Variants in FOCAD observed in about 807,000 individuals in gnomAD.
The protein encoded by FOCAD is KIAA1797.
Under a neutral mutation model 225.6 loss-of-function variants are expected in FOCAD, and 198 were observed. The observed-to-expected ratio is 0.88, with a 90% CI of 0.78 to 0.99. The LOEUF is 0.99. Ranked by LOEUF, FOCAD falls within the 50% of genes least tolerant of loss-of-function variation. FOCAD has a pLI of 0.00. For synonymous variants in FOCAD, 897 were observed against 755.0 expected, an observed-to-expected ratio of 1.19 and a Z score of -3.08; for missense variants, 2,713 against 2,123.6, an observed-to-expected ratio of 1.28 and a Z score of -5.46.
At chr9:20,667,258 A>G (rs572414470) in intron 2 of FOCAD, among the ~76,000 whole-genome samples, 1 of 152,346 alleles carries the variant, frequency 6.6e-6, no homozygotes, top group South Asian at 2.1e-4. Flanking sequence ...TTCACTACTC[A>G]AAATACTCTG....
At chr9:20,872,659 C>T (rs186152711) in intron 18 of FOCAD, 3 of 151,666 alleles carry the variant, frequency 2.0e-5, no homozygotes, top group East Asian at 1.9e-4. Flanking sequence ...GCTTTATTGA[C>T]ATATGATTCA....
intron 43 of FOCAD, among the ~76,000 whole-genome samples, chr9:20,993,677 A>G (rs375870460): frequency 1.3e-5 from 2 of 152,144 alleles, no homozygotes; most frequent in Non-Finnish European, 2.9e-5. Context: ...TTGTGTTGTC[A>G]TATTGAGGCT....
At chr9:20,680,469 A>G (rs1167458366), upstream of FOCAD, among the ~76,000 whole-genome samples, 1 of 151,988 alleles carries the variant, frequency 6.6e-6, no homozygotes, top group Non-Finnish European at 1.5e-5. Context: ...GAGGCAGGAG[A>G]ATTGCTTGAA....
intron 28 of FOCAD, among the ~76,000 whole-genome samples, chr9:20,938,022 A>G (rs535497620): frequency 6.6e-6 from 1 of 152,070 alleles, no homozygotes; most frequent in East Asian, 1.9e-4. Flanking sequence ...AATCAAAACC[A>G]CAATGAGATA....
chr9:20,842,374 T>A (rs914712170), intron 15 of FOCAD, among the ~76,000 whole-genome samples: 3 of 151,990 alleles, frequency 2.0e-5, no homozygotes, highest in African/African-American at 7.2e-5. Flanking sequence ...TTGGGGTCTG[T>A]TTCTCACTTT....
intron 24 of FOCAD, among the ~76,000 whole-genome samples, chr9:20,917,443 C>G (rs982568747): frequency 2.6e-5 from 4 of 152,172 alleles, no homozygotes; most frequent in African/African-American, 9.7e-5. Flanking sequence ...ACAAAAATTA[C>G]TTGAGTGTCA....
intron 5 of FOCAD, among the ~76,000 whole-genome samples, chr9:20,745,936 T>C (rs1424150175): frequency 5.3e-5 from 8 of 152,200 alleles, no homozygotes; most frequent in African/African-American, 1.9e-4. Context: ...ATTTGTGTAA[T>C]AGTATATAGT....
intron 11 of FOCAD, among the ~76,000 whole-genome samples, chr9:20,816,815 A>G (rs1472563921): frequency 6.6e-6 from 1 of 152,200 alleles, no homozygotes; most frequent in African/African-American, 2.4e-5. Flanking sequence ...GAATTTAGCA[A>G]TAAAGATAAT....
At position 20,766,052 on chromosome 9, in the gene FOCAD, G is replaced by A. The variant is rs1025633195; in HGVS notation, c.699+979G>A. Among the ~76,000 whole-genome samples, 3 of 152,182 alleles carry A rather than the reference G, an allele frequency of 2.0e-5. No homozygotes were observed. In the East Asian group the frequency reaches 5.8e-4, roughly 29 times the overall value. On this transcript the variant is annotated intron_variant, in intron 7 of 43. Transcript: ENST00000338382. ...GGCTTTTCCAAAGCTTTTGTTTTGT[G>A]TGGGCAATAAAGCAATGTATAGGCA...
intron 11 of FOCAD, 32 bp from the exon 12 acceptor site, chr9:20,819,764 C>A: frequency 1.7e-6 from 2 of 1,182,918 alleles, no homozygotes; most frequent in Non-Finnish European, 2.4e-6. Context: ...TGTAACAAGG[C>A]ATATTTAATA....
At chr9:20,921,635 A>C (rs1284064364) in intron 24 of FOCAD, among the ~76,000 whole-genome samples, 3 of 152,302 alleles carry the variant, frequency 2.0e-5, no homozygotes, top group Middle Eastern at 6.8e-3. Flanking sequence ...CACTGTATAG[A>C]GTGGACTAGG....
At chr9:20,677,121 C>G (rs954013854) in intron 2 of FOCAD, among the ~76,000 whole-genome samples, 60 of 152,092 alleles carry the variant, frequency 3.9e-4, no homozygotes, top group Admixed American at 3.6e-3. Flanking sequence ...CAATAACACA[C>G]AAGGATCGAC....
intron 1 of FOCAD, among the ~76,000 whole-genome samples, chr9:20,704,816 C>T: frequency 6.6e-6 from 1 of 152,132 alleles, no homozygotes; most frequent in East Asian, 1.9e-4. Context: ...TCCTCTATTT[C>T]TACAAAATGT....
At chr9:20,903,533 T>C (rs1033634198) in intron 21 of FOCAD, among the ~76,000 whole-genome samples, 5 of 151,934 alleles carry the variant, frequency 3.3e-5, no homozygotes, top group African/African-American at 9.7e-5. Context: ...GTTCTCTCTT[T>C]AGTAAGAATA....
At chr9:20,908,877 A>T (rs1233261016) in intron 22 of FOCAD, among the ~76,000 whole-genome samples, 3 of 152,024 alleles carry the variant, frequency 2.0e-5, no homozygotes, top group Admixed American at 1.3e-4. Context: ...TCCCATGCTA[A>T]GTGTGTGGGA....
chr9:20,664,284 AT>A (rs916425038), intron 2 of FOCAD, among the ~76,000 whole-genome samples: 6 of 149,762 alleles, frequency 4.0e-5, no homozygotes, highest in African/African-American at 1.5e-4. Context: ...GATCTGACAT[AT>A]TGACTAAGTG....
chr9:20,690,742 T>A (rs974124989), intron 1 of FOCAD, among the ~76,000 whole-genome samples: 1 of 151,662 alleles, frequency 6.6e-6, no homozygotes, highest in African/African-American at 2.4e-5. Context: ...GCGGTGGGGG[T>A]CTTACCATGT....
chr9:20,920,421 T>C (rs202232497), intron 24 of FOCAD, among the ~76,000 whole-genome samples: 112,034 of 112,432 alleles, frequency 1, 55,818 homozygotes, highest in Middle Eastern at 1. Flanking sequence ...CTCAGGGATC[T>C]AGAACTAGAA....
intron 5 of FOCAD, among the ~76,000 whole-genome samples, chr9:20,746,137 G>C (rs898449273): frequency 1.3e-5 from 2 of 152,188 alleles, no homozygotes; most frequent in African/African-American, 4.8e-5. Flanking sequence ...ACCAGTGTGT[G>C]GTTGTGGATA....
Sources: allele counts gnomAD v4.1 joint callset (sites outside exome capture counted in the v4.1 genomes callset), GRCh38; gene constraint gnomAD v4.1.1; transcripts MANE v1.5; gene names NCBI Gene and HGNC (gene_info 2026-07-23, HGNC 2026-07-21).